Variants in SRD5A2 observed in about 807,000 individuals in gnomAD.
SRD5A2 encodes 3-oxo-5-alpha-steroid 4-dehydrogenase 2.
Under a neutral mutation model 27.4 loss-of-function variants are expected in SRD5A2, and 30 were observed. The ratio of observed to expected loss-of-function variants is 1.10; its 90% confidence interval spans 0.82 to 1.49. SRD5A2 has a LOEUF of 1.49. Ranked by LOEUF, SRD5A2 falls within the 40% of genes most tolerant of loss-of-function variation. The pLI is 0.00. For synonymous variants in SRD5A2, 141 were observed against 133.6 expected, an observed-to-expected ratio of 1.06 and a Z score of -0.38; for missense variants, 348 against 323.4, an observed-to-expected ratio of 1.08 and a Z score of -0.58.
intron 1 of SRD5A2, among the ~76,000 whole-genome samples, chr2:31,558,212 G>T (rs1453057111): frequency 6.6e-6 from 1 of 152,138 alleles, no homozygotes; most frequent in Admixed American, 6.5e-5. Flanking sequence ...TAAACATCAA[G>T]AACTACTCTG....
At chr2:31,613,600 G>A in the SRD5A2 span, among the ~76,000 whole-genome samples, 1 of 152,164 alleles carries the variant, frequency 6.6e-6, no homozygotes, top group East Asian at 1.9e-4. Flanking sequence ...TTGGAAAGTA[G>A]TATGGAAGTT....
the SRD5A2 span, among the ~76,000 whole-genome samples, chr2:31,601,101 A>C: frequency 6.6e-6 from 1 of 151,990 alleles, no homozygotes; most frequent in Non-Finnish European, 1.5e-5. Flanking sequence ...AGACAGAGAC[A>C]TGAAAAATCC....
the SRD5A2 span, among the ~76,000 whole-genome samples, chr2:31,652,855 T>A: frequency 6.6e-6 from 1 of 152,176 alleles, no homozygotes; most frequent in South Asian, 2.1e-4. Flanking sequence ...TGCTGTCCCA[T>A]AATTTCAAAC....
intron 1 of SRD5A2, among the ~76,000 whole-genome samples, chr2:31,556,885 C>A (rs546811971): frequency 6.6e-6 from 1 of 152,282 alleles, no homozygotes; most frequent in South Asian, 2.1e-4. Context: ...GGACGACAGA[C>A]AACTAATATT....
intron 1 of SRD5A2, among the ~76,000 whole-genome samples, chr2:31,572,458 A>AT (rs1174620919): frequency 6.6e-6 from 1 of 152,162 alleles, no homozygotes; most frequent in African/African-American, 2.4e-5. Context: ...CCTAAAAATA[A>AT]TTTTTTTAAA....
intron 1 of SRD5A2, among the ~76,000 whole-genome samples, chr2:31,578,958 A>G (rs1227330536): frequency 1.3e-5 from 2 of 152,236 alleles, no homozygotes; most frequent in Non-Finnish European, 2.9e-5. Context: ...ATTTGAAGAT[A>G]AAAATAATTG....
At chr2:31,624,284 A>AG in the SRD5A2 span, among the ~76,000 whole-genome samples, 1 of 152,094 alleles carries the variant, frequency 6.6e-6, no homozygotes, top group East Asian at 1.9e-4. Context: ...ATTATTGTTG[A>AG]CTACACTCAC....
At chr2:31,600,105 T>C in the SRD5A2 span, among the ~76,000 whole-genome samples, 2 of 152,028 alleles carry the variant, frequency 1.3e-5, no homozygotes, top group Admixed American at 6.6e-5. Context: ...GTTCCTGCAT[T>C]AGTTTGCTAA....
chr2:31,536,805 C>A (rs1666036715), intron 1 of SRD5A2, among the ~76,000 whole-genome samples: 1 of 152,196 alleles, frequency 6.6e-6, no homozygotes, highest in Non-Finnish European at 1.5e-5. Flanking sequence ...GTTTCCCCTT[C>A]AGATCCCATG....
the SRD5A2 span, among the ~76,000 whole-genome samples, chr2:31,637,898 T>C: frequency 6.6e-6 from 1 of 152,114 alleles, no homozygotes; most frequent in African/African-American, 2.4e-5. Flanking sequence ...TTTATTGCAT[T>C]GATCTATAAC....
the SRD5A2 span, among the ~76,000 whole-genome samples, chr2:31,631,847 A>G: frequency 2.0e-5 from 3 of 152,206 alleles, no homozygotes; most frequent in African/African-American, 4.8e-5. Context: ...GTAGACCATC[A>G]TTGGGACACA....
the SRD5A2 span, among the ~76,000 whole-genome samples, chr2:31,631,462 GT>G: frequency 1.4e-5 from 2 of 146,872 alleles, no homozygotes; most frequent in East Asian, 3.9e-4. Context: ...GGCATCCCCT[GT>G]TTTTTTTCAG....
At chr2:31,559,162 G>A (rs907594846) in intron 1 of SRD5A2, among the ~76,000 whole-genome samples, 2 of 152,156 alleles carry the variant, frequency 1.3e-5, no homozygotes, top group Non-Finnish European at 2.9e-5. Flanking sequence ...TTGCCTAAAT[G>A]TTTGAGCTCC....
chr2:31,567,139 G>A (rs1377581778), intron 1 of SRD5A2, among the ~76,000 whole-genome samples: 1 of 152,116 alleles, frequency 6.6e-6, no homozygotes, highest in Non-Finnish European at 1.5e-5. Context: ...AACTTCCAGT[G>A]TTTCACAGTT....
At chr2:31,653,842 T>C in the SRD5A2 span, among the ~76,000 whole-genome samples, 1 of 152,122 alleles carries the variant, frequency 6.6e-6, no homozygotes, top group Non-Finnish European at 1.5e-5. Flanking sequence ...GTATTTTTAG[T>C]AGAAACGGGT....
chr2:31,569,584 G>C (rs1189969683), intron 1 of SRD5A2, among the ~76,000 whole-genome samples: 4 of 151,368 alleles, frequency 2.6e-5, no homozygotes, highest in Admixed American at 2.0e-4. Flanking sequence ...TATTTTTAAA[G>C]TTAAGGTGCA....
At chr2:31,548,938 C>A (rs1666320592) in intron 1 of SRD5A2, among the ~76,000 whole-genome samples, 2 of 151,732 alleles carry the variant, frequency 1.3e-5, no homozygotes, top group South Asian at 4.2e-4. Context: ...ATGGATGAAC[C>A]CTGAGAGCAA....
intron 2 of SRD5A2, among the ~76,000 whole-genome samples, 188 bp from the exon 3 acceptor site, chr2:31,531,660 G>C (rs1365662481): frequency 6.6e-6 from 1 of 152,220 alleles, no homozygotes; most frequent in Non-Finnish European, 1.5e-5. Context: ...TGGGTGTGCT[G>C]TTTCCTAGAC....
chr2:31,569,242 C>T (rs1666801615), intron 1 of SRD5A2, among the ~76,000 whole-genome samples: 1 of 152,246 alleles, frequency 6.6e-6, no homozygotes, highest in African/African-American at 2.4e-5. Context: ...TGAACACATG[C>T]TTTTATTTTT....
Sources: allele counts gnomAD v4.1 joint callset (sites outside exome capture counted in the v4.1 genomes callset), GRCh38; gene constraint gnomAD v4.1.1; transcripts MANE v1.5; gene names NCBI Gene and HGNC (gene_info 2026-07-23, HGNC 2026-07-21).